The following BAZ2B variants were observed in gnomAD, a reference collection of about 807,000 sequenced individuals.
BAZ2B encodes bromodomain adjacent to zinc finger domain protein 2B.
A neutral mutation model predicts 246.0 loss-of-function variants in BAZ2B; 91 were observed. The ratio of observed to expected loss-of-function variants is 0.37; its 90% CI spans 0.31 to 0.44. BAZ2B has a LOEUF of 0.44. BAZ2B is among the 20% of genes least tolerant of loss of function. The pLI, the probability that BAZ2B is intolerant of heterozygous loss-of-function variation, is 1.00. For synonymous variants in BAZ2B, 855 were observed against 860.0 expected, an observed-to-expected ratio of 0.99 and a Z score of 0.10; for missense variants, 2,332 against 2,533.7, an observed-to-expected ratio of 0.92 and a Z score of 1.71.
At chr2:159,385,798 G>A (rs2062585034) in intron 22 of BAZ2B, among the ~76,000 whole-genome samples, 1 of 152,060 alleles carries the variant, frequency 6.6e-6, no homozygotes, top group Non-Finnish European at 1.5e-5. Flanking sequence ...TAATAAATAG[G>A]GAAACACTGA....
chr2:159,610,539 G>C (rs1018315227), intron 1 of BAZ2B, among the ~76,000 whole-genome samples: 1 of 152,192 alleles, frequency 6.6e-6, no homozygotes, highest in Non-Finnish European at 1.5e-5. Flanking sequence ...TCTACACATA[G>C]CTGAAGTACT....
At chr2:159,446,187 C>A (rs1408990072) in intron 6 of BAZ2B, among the ~76,000 whole-genome samples, 2 of 152,066 alleles carry the variant, frequency 1.3e-5, no homozygotes, top group Non-Finnish European at 2.9e-5. Context: ...TCTTCCAGGA[C>A]CTTCTACTAA....
At chr2:159,553,060 T>C (rs2088523004) in intron 2 of BAZ2B, among the ~76,000 whole-genome samples, 1 of 152,098 alleles carries the variant, frequency 6.6e-6, no homozygotes. Context: ...TAGTCCACAT[T>C]AGGTAGAGTG....
intron 2 of BAZ2B, chr2:159,516,208 A>T (rs1044525014): frequency 1.3e-5 from 2 of 152,166 alleles, no homozygotes; most frequent in Non-Finnish European, 2.9e-5. Context: ...AATGTTAAAA[A>T]GTAAAGAAAA....
At chr2:159,687,757 A>G in the BAZ2B span, among the ~76,000 whole-genome samples, 14 of 152,246 alleles carry the variant, frequency 9.2e-5, no homozygotes, top group Admixed American at 2.0e-4. Flanking sequence ...TAGTCAAGTT[A>G]GTCAGAAGTA....
chr2:159,339,054 C>G (rs537559277), intron 31 of BAZ2B, among the ~76,000 whole-genome samples: 1 of 152,166 alleles, frequency 6.6e-6, no homozygotes, highest in East Asian at 1.9e-4. Flanking sequence ...ATGGAATAAA[C>G]TTAAACATCT....
At chr2:159,383,732 G>T in intron 23 of BAZ2B, 52 bp from the exon 24 acceptor site, 5 of 1,445,636 alleles carry the variant, frequency 3.5e-6, no homozygotes, top group Non-Finnish European at 4.8e-6. Flanking sequence ...TTTATGCAAT[G>T]CATTAATTTG....
At chr2:159,340,577 A>C (rs2066489903) in intron 31 of BAZ2B, among the ~76,000 whole-genome samples, 1 of 152,076 alleles carries the variant, frequency 6.6e-6, no homozygotes, top group African/African-American at 2.4e-5. Context: ...CTAACATTGG[A>C]TTTCTCAGCA....
chr2:159,329,895 A>G (rs1439576764), intron 34 of BAZ2B, among the ~76,000 whole-genome samples: 1 of 152,182 alleles, frequency 6.6e-6, no homozygotes, highest in East Asian at 1.9e-4. Context: ...CAAACGTCCA[A>G]TGACCTACCA....
intron 1 of BAZ2B, among the ~76,000 whole-genome samples, chr2:159,609,195 T>C (rs997170087): frequency 6.6e-6 from 1 of 152,210 alleles, no homozygotes. Context: ...ATAGCTGGCC[T>C]AACTTACCAA....
chr2:159,385,057 T>C (rs2149529511), intron 23 of BAZ2B, 98 bp downstream of exon 23: 1 of 1,227,572 alleles, frequency 8.1e-7, no homozygotes, highest in East Asian at 2.4e-5. Flanking sequence ...TTTGTGCTAG[T>C]CTGTAACTTT....
At chr2:159,509,947 A>G (rs887701688) in intron 2 of BAZ2B, among the ~76,000 whole-genome samples, 1 of 152,148 alleles carries the variant, frequency 6.6e-6, no homozygotes, top group African/African-American at 2.4e-5. Context: ...GTACACATAT[A>G]CATATATCTA....
At position 159,448,370 on chromosome 2, in the gene BAZ2B, G is replaced by A; in HGVS notation, c.374C>T (p.Thr125Ile). Residue 125 changes from threonine (T) to isoleucine (I), a missense_variant, in exon 5 of 37, where the codon ACA becomes ATA. Physicochemically the swap from Thr to Ile is moderately conservative, Grantham distance 89. Around this residue, in one of 9 missense-constraint regions of BAZ2B, gnomAD observed 242 missense variants for 237.4 expected, o/e 1.02. Coordinates refer to ENST00000392783, the MANE Select transcript of BAZ2B (RefSeq NM_013450.4). ...WWRTTDAHTRTGATFFPPLLG... is the reference protein window; with the variant it reads ...WWRTTDAHTRIGATFFPPLLG... ...TAATGGTGGAAAGAAGGTTGCTCCTGTACGAGTATGAGCATCAGTTGTTCG... is the reference window on the plus strand; with the variant it reads ...TAATGGTGGAAAGAAGGTTGCTCCTATACGAGTATGAGCATCAGTTGTTCG... 1.9e-6 allele frequency: 3 copies of A among 1,608,688 alleles called. No homozygotes were observed. Among genetic ancestry groups the A allele is most frequent in the Non-Finnish European group, 8.5e-7 (1 of 1,178,646 alleles).
intron 34 of BAZ2B, among the ~76,000 whole-genome samples, chr2:159,328,324 C>G (rs1013878146): frequency 6.6e-6 from 1 of 152,062 alleles, no homozygotes; most frequent in African/African-American, 2.4e-5. Context: ...CTTAGTGGGT[C>G]TTAAGCAAAA....
chr2:159,705,442 T>G, the BAZ2B span, among the ~76,000 whole-genome samples: 1 of 152,236 alleles, frequency 6.6e-6, no homozygotes, highest in African/African-American at 2.4e-5. Flanking sequence ...TTAACATTTA[T>G]AGTTCTGAAT....
At chr2:159,412,820 C>G (rs2067036808) in intron 13 of BAZ2B, among the ~76,000 whole-genome samples, 1 of 152,020 alleles carries the variant, frequency 6.6e-6, no homozygotes, top group African/African-American at 2.4e-5. Context: ...ATCTTAATCA[C>G]CATTTCTGAA....
chr2:159,505,755 T>TTAAG (rs989547644), intron 2 of BAZ2B, among the ~76,000 whole-genome samples: 2 of 152,166 alleles, frequency 1.3e-5, no homozygotes, highest in African/African-American at 4.8e-5. Context: ...CATCATCATC[T>TTAAG]TAAGCCCCAA....
intron 36 of BAZ2B, among the ~76,000 whole-genome samples, 180 bp downstream of exon 36, chr2:159,324,625 TACACAC>T (rs60009917): frequency 0.017 from 2,272 of 132,738 alleles, 27 homozygotes; most frequent in Non-Finnish European, 0.025. Flanking sequence ...TCTAACCAAA[TACACAC>T]ACACACACAC....
chr2:159,463,600 T>C (rs1261252719), intron 3 of BAZ2B: 1 of 152,316 alleles, frequency 6.6e-6, no homozygotes, highest in Non-Finnish European at 1.5e-5. Context: ...TAGCTCATTG[T>C]GATTTTAATT....
Sources: gnomAD v4.1 joint callset for allele counts (sites outside exome capture counted in the v4.1 genomes callset) on GRCh38, gnomAD v4.1.1 for gene constraint, gnomAD v4.1.1 regional missense constraint, MANE v1.5 for transcripts, NCBI Gene and HGNC (gene_info 2026-07-23, HGNC 2026-07-21) for gene names.